Variants in WWC1 observed in about 807,000 individuals in gnomAD.
WWC1 encodes the protein WW and C2 domain containing 1, also known as protein KIBRA.
In WWC1, 55 loss-of-function variants were observed where a neutral mutation model predicts 138.4. That is an observed-to-expected ratio of 0.40 (90% CI 0.32 to 0.50). The LOEUF (loss-of-function observed/expected upper bound fraction) is 0.50, where lower values mean the gene tolerates loss of function less well. WWC1 is among the 20% of genes least tolerant of loss of function. WWC1 has a pLI of 0.72. For synonymous variants in WWC1, 524 were observed against 564.9 expected, an observed-to-expected ratio of 0.93 and a Z score of 1.03; for missense variants, 1,226 against 1,420.4, an observed-to-expected ratio of 0.86 and a Z score of 2.20.
intron 1 of WWC1, among the ~76,000 whole-genome samples, chr5:168,325,193 G>C (rs1772431000): frequency 6.6e-6 from 1 of 152,184 alleles, no homozygotes; most frequent in Non-Finnish European, 1.5e-5. Context: ...CAGGCCCTGG[G>C]GCCTTCTGAT....
chr5:168,364,869 C>G (rs571319108), intron 1 of WWC1, among the ~76,000 whole-genome samples: 2 of 152,294 alleles, frequency 1.3e-5, no homozygotes, highest in Non-Finnish European at 2.9e-5. Context: ...GGCTGGGGTG[C>G]ATCTCGCCCT....
At chr5:168,370,597 G>A (rs1280009018) in intron 1 of WWC1, among the ~76,000 whole-genome samples, 1 of 151,862 alleles carries the variant, frequency 6.6e-6, no homozygotes, top group Non-Finnish European at 1.5e-5. Context: ...TGTCTGGAGG[G>A]GCCACCCAGG....
In WWC1 at chr5:168,430,082, T is replaced by C. The variant is rs1031772401; in HGVS notation, c.2001-55T>C. 8 of 1,371,474 alleles carry C rather than the reference T, an allele frequency of 5.8e-6. No individual in the cohort carries two copies. The East Asian group carries it at 1.8e-4, about 32-fold the overall frequency. 85.0% of individuals were successfully genotyped at this position (1,371,474 alleles called of 1,614,324 possible). ...TGTGACTTTTAATGGAGAGAAGGAA[T>C]GAGAGAGATGAGTGTGTTACTAATA... On this transcript the variant is annotated intron_variant, in intron 13 of 22. Coordinates refer to ENST00000265293, the MANE Select transcript of WWC1 (RefSeq NM_015238.3).
intron 1 of WWC1, among the ~76,000 whole-genome samples, chr5:168,311,282 G>A (rs1292104275): frequency 6.6e-6 from 1 of 151,082 alleles, no homozygotes; most frequent in African/African-American, 2.4e-5. Flanking sequence ...GCCCTTTCTG[G>A]TCGAAGGCTA....
At chr5:168,416,488 A>G (rs1780667865) in intron 9 of WWC1, 1 of 152,160 alleles carries the variant, frequency 6.6e-6, no homozygotes, top group South Asian at 2.1e-4. Context: ...TGAAAGAATA[A>G]ATGGTTAGCT....
At chr5:168,337,063 A>G (rs1773536934) in intron 1 of WWC1, among the ~76,000 whole-genome samples, 1 of 152,168 alleles carries the variant, frequency 6.6e-6, no homozygotes, top group African/African-American at 2.4e-5. Flanking sequence ...ACCTAGGTAT[A>G]AAGATCCAAG....
At chr5:168,419,722 G>A (rs1780936644) in intron 9 of WWC1, among the ~76,000 whole-genome samples, 2 of 152,198 alleles carry the variant, frequency 1.3e-5, no homozygotes, top group South Asian at 4.1e-4. Flanking sequence ...GTTTGTGAGG[G>A]CACAGGCTTG....
At chr5:168,344,053 G>T (rs1469714472) in intron 1 of WWC1, among the ~76,000 whole-genome samples, 1 of 152,060 alleles carries the variant, frequency 6.6e-6, no homozygotes, top group Non-Finnish European at 1.5e-5. Context: ...CCAAACAGCA[G>T]CTTGCAAGGC....
intron 3 of WWC1, among the ~76,000 whole-genome samples, chr5:168,396,641 A>G (rs60286732): frequency 0.016 from 2,409 of 152,266 alleles, 59 homozygotes; most frequent in African/African-American, 0.054. Flanking sequence ...TCCCCCTCAC[A>G]TTACCAGTTA....
chr5:168,369,919 G>A (rs958052126), intron 1 of WWC1, among the ~76,000 whole-genome samples: 11 of 26,800 alleles, frequency 4.1e-4, no homozygotes, highest in Non-Finnish European at 7.2e-4. Context: ...TTTTTTTTTT[G>A]AGACAGAGTT....
chr5:168,457,111 G>A (rs1306235661), intron 19 of WWC1, among the ~76,000 whole-genome samples: 4 of 149,158 alleles, frequency 2.7e-5, no homozygotes, highest in Non-Finnish European at 4.4e-5. Context: ...CCCAGCCAAC[G>A]GAGATCACAC....
chr5:168,348,584 A>T (rs115288253), intron 1 of WWC1, among the ~76,000 whole-genome samples: 2,738 of 152,228 alleles, frequency 0.018, 85 homozygotes, highest in African/African-American at 0.062. Flanking sequence ...AGCCACACAC[A>T]TTTGCCAGCT....
intron 1 of WWC1, among the ~76,000 whole-genome samples, chr5:168,320,180 G>A (rs370599677): frequency 9.9e-5 from 15 of 151,878 alleles, no homozygotes; most frequent in African/African-American, 2.9e-4. Context: ...GATTACAGGC[G>A]CCCGCCACCA....
intron 1 of WWC1, among the ~76,000 whole-genome samples, chr5:168,358,429 C>G (rs532685579): frequency 6.6e-6 from 1 of 152,274 alleles, no homozygotes; most frequent in Non-Finnish European, 1.5e-5. Context: ...CATGGAAACT[C>G]AGTGCTGAAA....
intron 15 of WWC1, among the ~76,000 whole-genome samples, chr5:168,437,621 A>G (rs565986143): frequency 6.6e-6 from 1 of 152,222 alleles, no homozygotes; most frequent in Non-Finnish European, 1.5e-5. Context: ...AAGACTTCTC[A>G]GCAGATTTTT....
chr5:168,309,111 C>T (rs1390518387), intron 1 of WWC1, among the ~76,000 whole-genome samples: 1 of 152,156 alleles, frequency 6.6e-6, no homozygotes, highest in Non-Finnish European at 1.5e-5. Context: ...CCTCCTGTAG[C>T]ACCTAGCAGT....
chr5:168,354,038 G>T (rs1009300381), intron 1 of WWC1, among the ~76,000 whole-genome samples: 10 of 151,902 alleles, frequency 6.6e-5, no homozygotes, highest in African/African-American at 2.4e-4. Flanking sequence ...AAAAATGAGT[G>T]CTTTTTCTTT....
At chr5:168,333,365 C>G (rs1314877788) in intron 1 of WWC1, among the ~76,000 whole-genome samples, 1 of 152,182 alleles carries the variant, frequency 6.6e-6, no homozygotes, top group East Asian at 1.9e-4. Flanking sequence ...GTGGATGATG[C>G]CTATTTTGCA....
At chr5:168,421,045 G>A (rs559579234) in intron 9 of WWC1, among the ~76,000 whole-genome samples, 8 of 152,222 alleles carry the variant, frequency 5.3e-5, no homozygotes, top group African/African-American at 7.2e-5. Flanking sequence ...CAAAGTCTCC[G>A]TGGCTTCATA....
Sources: gnomAD v4.1 joint callset for allele counts (sites outside exome capture counted in the v4.1 genomes callset) on GRCh38, gnomAD v4.1.1 for gene constraint, MANE v1.5 for transcripts, NCBI Gene and HGNC (gene_info 2026-07-23, HGNC 2026-07-21) for gene names.